Variants in MGAT4C observed in about 807,000 individuals in gnomAD.
MGAT4C encodes alpha-1,3-mannosyl-glycoprotein 4-beta-N-acetylglucosaminyltransferase C.
Under a neutral mutation model 40.1 loss-of-function variants are expected in MGAT4C, and 19 were observed. The observed-to-expected ratio is 0.47, with a 90% CI of 0.33 to 0.70. MGAT4C has a LOEUF of 0.70. Ranked by LOEUF, MGAT4C falls within the 30% of genes least tolerant of loss-of-function variation. The pLI is 0.02. For missense variants in MGAT4C, 491 were observed against 563.2 expected (o/e 0.87, Z 1.30); for synonymous variants, 181 against 187.1 (o/e 0.97, Z 0.27).
chr12:86,665,081 A>C (rs1328154943), intron 2 of MGAT4C, among the ~76,000 whole-genome samples: 1 of 151,396 alleles, frequency 6.6e-6, no homozygotes, highest in African/African-American at 2.4e-5. Flanking sequence ...TATCTGGTCC[A>C]TGTTGTACTT....
intron 2 of MGAT4C, among the ~76,000 whole-genome samples, chr12:86,020,117 T>C (rs966223001): frequency 1.3e-5 from 2 of 152,158 alleles, no homozygotes; most frequent in African/African-American, 4.8e-5. Flanking sequence ...TTTCTAGATA[T>C]ACAATCATGT....
At chr12:86,312,974 A>T (rs989332133) in intron 4 of MGAT4C, among the ~76,000 whole-genome samples, 1 of 152,110 alleles carries the variant, frequency 6.6e-6, no homozygotes, top group Non-Finnish European at 1.5e-5. Context: ...GATAACAAAA[A>T]TTTCCTCTGG....
chr12:86,681,661 T>C (rs1325894481), intron 2 of MGAT4C, among the ~76,000 whole-genome samples: 1 of 152,022 alleles, frequency 6.6e-6, no homozygotes, highest in Non-Finnish European at 1.5e-5. Flanking sequence ...AATTATCATG[T>C]AGTTTTCTAT....
At chr12:86,008,397 T>C (rs531793283) in intron 2 of MGAT4C, among the ~76,000 whole-genome samples, 1 of 152,176 alleles carries the variant, frequency 6.6e-6, no homozygotes, top group South Asian at 2.1e-4. Context: ...TATTAATAAT[T>C]TTATCTTTTT....
chr12:86,039,364 T>C (rs1197693416), intron 2 of MGAT4C, among the ~76,000 whole-genome samples: 1 of 152,192 alleles, frequency 6.6e-6, no homozygotes, highest in Non-Finnish European at 1.5e-5. Flanking sequence ...ACCTATCAAA[T>C]GTAGATTTGG....
At position 86,623,573 on chromosome 12, in the gene MGAT4C, T is replaced by A. The variant is rs554706563; in HGVS notation, c.-229+103636A>T. Among the ~76,000 whole-genome samples, 11 of 152,310 alleles carry A rather than the reference T, an allele frequency of 7.2e-5. No individual in the cohort carries two copies. In the South Asian group the frequency reaches 2.3e-3, roughly 32 times the overall value. On this transcript the variant is annotated intron_variant, in intron 2 of 7. Transcript: ENST00000548651. ...AGAAAACTACTAGTATTAATTTTTTTAAGAATTTCATCTAGAATTCTATAT... is the reference window on the plus strand; with the variant it reads ...AGAAAACTACTAGTATTAATTTTTTAAAGAATTTCATCTAGAATTCTATAT...
At chr12:86,664,573 A>G (rs757647923) in intron 2 of MGAT4C, among the ~76,000 whole-genome samples, 4 of 152,158 alleles carry the variant, frequency 2.6e-5, no homozygotes, top group Admixed American at 1.3e-4. Context: ...TCTGTAGTTA[A>G]GAATGCTATA....
chr12:86,550,962 A>C (rs1181755264), intron 2 of MGAT4C, among the ~76,000 whole-genome samples: 12 of 152,206 alleles, frequency 7.9e-5, no homozygotes, highest in Admixed American at 7.9e-4. Flanking sequence ...GGGCCGGGGA[A>C]ACAGCCGTGC....
At chr12:86,444,976 T>C (rs756340184) in intron 2 of MGAT4C, among the ~76,000 whole-genome samples, 22 of 152,290 alleles carry the variant, frequency 1.4e-4, no homozygotes, top group Admixed American at 3.3e-4. Flanking sequence ...AAATGCAAAC[T>C]TATCCATAGT....
In MGAT4C at chr12:86,517,695, G is replaced by A. The variant is rs182159431; in HGVS notation, c.-228-82430C>T. ...GGAGTCTTGCTCTGTCCCCAGGCTGGAATGCAGTGGCGTGATCTCGGCTCA... is the reference window on the plus strand; with the variant it reads ...GGAGTCTTGCTCTGTCCCCAGGCTGAAATGCAGTGGCGTGATCTCGGCTCA... On this transcript the variant is annotated intron_variant, in intron 2 of 7. Coordinates refer to the MGAT4C transcript ENST00000548651. Among the ~76,000 whole-genome samples the A allele has an allele frequency of 5.3e-5, 8 of 152,278 alleles. 1 individual carries two copies. Among genetic ancestry groups the A allele is most frequent in the Admixed American group, 5.2e-4 (8 of 15,294 alleles).
chr12:86,030,313 G>C (rs1890627223), intron 2 of MGAT4C, among the ~76,000 whole-genome samples: 3 of 151,752 alleles, frequency 2.0e-5, no homozygotes, highest in Non-Finnish European at 4.4e-5. Context: ...GTTGAAATCA[G>C]TATGATTGTG....
At chr12:86,246,406 T>C (rs1952031896) in intron 1 of MGAT4C, among the ~76,000 whole-genome samples, 1 of 152,060 alleles carries the variant, frequency 6.6e-6, no homozygotes, top group South Asian at 2.1e-4. Flanking sequence ...AAGGTTTCTT[T>C]GTTTATTTGC....
At chr12:86,564,856 G>A (rs1960020973) in intron 2 of MGAT4C, among the ~76,000 whole-genome samples, 1 of 152,164 alleles carries the variant, frequency 6.6e-6, no homozygotes, top group Non-Finnish European at 1.5e-5. Context: ...AACAGGTCCA[G>A]GCTGCTGTGC....
intron 2 of MGAT4C, among the ~76,000 whole-genome samples, chr12:86,500,575 T>C (rs1437438346): frequency 1.3e-5 from 2 of 152,080 alleles, no homozygotes; most frequent in South Asian, 2.1e-4. Flanking sequence ...AATACATTAA[T>C]ATATAAATGC....
intron 3 of MGAT4C, among the ~76,000 whole-genome samples, chr12:86,368,585 G>A (rs1024362222): frequency 8.6e-5 from 13 of 150,554 alleles, no homozygotes; most frequent in Admixed American, 4.0e-4. Flanking sequence ...TCAGTGTGTT[G>A]CATTTTTTTG....
At chr12:86,522,435 A>G (rs1469039770) in intron 2 of MGAT4C, among the ~76,000 whole-genome samples, 1 of 152,222 alleles carries the variant, frequency 6.6e-6, no homozygotes, top group Non-Finnish European at 1.5e-5. Context: ...CCAACTTTGC[A>G]TCCCAGAGAT....
At chr12:86,092,959 A>G (rs1349314872) in intron 1 of MGAT4C, among the ~76,000 whole-genome samples, 2 of 152,112 alleles carry the variant, frequency 1.3e-5, no homozygotes, top group East Asian at 1.9e-4. Flanking sequence ...TCTCCCATCA[A>G]CCGGTCATCT....
chr12:86,804,413 T>TTATAAAAA (rs1952304993), intron 1 of MGAT4C, among the ~76,000 whole-genome samples: 1 of 149,144 alleles, frequency 6.7e-6, no homozygotes, highest in African/African-American at 2.5e-5. Flanking sequence ...ACTTAAAGTA[T>TTATAAAAA]AATAAAAAAA....
intron 4 of MGAT4C, among the ~76,000 whole-genome samples, chr12:86,268,712 TAC>T (rs1249377801): frequency 2.7e-5 from 4 of 146,794 alleles, no homozygotes; most frequent in African/African-American, 7.4e-5. Flanking sequence ...TATATATATA[TAC>T]ACATACACAC....
Sources: allele counts gnomAD v4.1 joint callset (sites outside exome capture counted in the v4.1 genomes callset), GRCh38; gene constraint gnomAD v4.1.1; transcripts MANE v1.5; gene names NCBI Gene and HGNC (gene_info 2026-07-23, HGNC 2026-07-21).